WDR49: variants seen among roughly 807,000 people sequenced by gnomAD.
The protein encoded by WDR49 is WD repeat domain 49.
A neutral mutation model predicts 119.5 loss-of-function variants in WDR49; 107 were observed. The ratio of observed to expected loss-of-function variants is 0.90; its 90% confidence interval spans 0.77 to 1.05. The LOEUF (loss-of-function observed/expected upper bound fraction) is 1.05. WDR49 is among the 50% of genes least tolerant of loss of function. The pLI is 0.00. For missense variants in WDR49, 1,240 were observed against 1,220.5 expected, an observed-to-expected ratio of 1.02 and a Z score of -0.24; for synonymous variants, 425 against 418.8, an observed-to-expected ratio of 1.01 and a Z score of -0.18.
intron 2 of WDR49, among the ~76,000 whole-genome samples, chr3:167,638,928 A>C (rs953989887): frequency 6.6e-6 from 1 of 151,634 alleles, no homozygotes; most frequent in Non-Finnish European, 1.5e-5. Flanking sequence ...ATTAGAAGGG[A>C]ATTGAAGCTG....
chr3:167,491,773 C>T (rs1342956368), intron 18 of WDR49, among the ~76,000 whole-genome samples: 1 of 152,034 alleles, frequency 6.6e-6, no homozygotes, highest in African/African-American at 2.4e-5. Context: ...TTGAATAAGG[C>T]ATATCAAAGA....
chr3:167,592,643 C>A lies in WDR49; in HGVS notation c.1275+9484G>T, dbSNP rs181436453. Among the ~76,000 whole-genome samples the A allele has an allele frequency of 4.4e-3, 672 of 152,184 alleles. 6 individuals carry two copies. The highest frequency in any genetic ancestry group is 5.5e-3 in the Non-Finnish European group (376 of 67,998). On this transcript the variant is annotated intron_variant, in intron 7 of 18. Transcript: ENST00000682715. ...AGAGATGGGGTTTCACCATGTTGGG[C>A]AGGACGGTCTCCATCTTTTGCCCTC...
chr3:167,646,617 A>C (rs959626895), intron 2 of WDR49, among the ~76,000 whole-genome samples: 1 of 152,218 alleles, frequency 6.6e-6, no homozygotes, highest in African/African-American at 2.4e-5. Flanking sequence ...TGAGGAACTG[A>C]ACTTTATTTT....
intron 5 of WDR49, among the ~76,000 whole-genome samples, chr3:167,605,010 C>T (rs892493245): frequency 2.1e-5 from 3 of 140,298 alleles, no homozygotes; most frequent in African/African-American, 8.6e-5. Context: ...ACTTAATTTG[C>T]TTTGTGTGTG....
intron 17 of WDR49, among the ~76,000 whole-genome samples, chr3:167,503,803 G>A (rs557123831): frequency 6.4e-4 from 97 of 152,204 alleles, no homozygotes; most frequent in Non-Finnish European, 1.3e-3. Flanking sequence ...TTAATAGAGT[G>A]AAAGCAGAGC....
rs1717160352 is a variant in WDR49, at chr3:167,626,995, A to T, written c.463T>A (p.Tyr155Asn). 1.5e-6 allele frequency: 2 copies of T among 1,332,068 alleles called. No homozygotes were observed. Among genetic ancestry groups the T allele is most frequent in the Non-Finnish European group, 9.6e-7 (1 of 1,043,618 alleles). 82.5% of individuals were successfully genotyped at this position (1,332,068 alleles called of 1,614,324 possible). A position where few individuals can be genotyped will look rare whatever the true frequency, so the allele number is the denominator to read the frequency against. ...KVIFLKNSSH[Y>N]LTISKEGLLA... ...AAACCTTCTTTACTAATTGTCAGAT[A>T]ATGACTTGAATTTTTTAAGAAAATT... Residue 155 changes from tyrosine to asparagine, a missense_variant, in exon 3 of 19, where the codon TAT (tyrosine) becomes AAT (asparagine). Coordinates refer to ENST00000682715, the MANE Select transcript of WDR49 (RefSeq NM_001366157.1).
At chr3:167,482,416 T>C (rs1366101284) in intron 18 of WDR49, among the ~76,000 whole-genome samples, 1 of 151,302 alleles carries the variant, frequency 6.6e-6, no homozygotes, top group East Asian at 1.9e-4. Context: ...ACGCCTGTAA[T>C]CCCAACACTT....
intron 5 of WDR49, among the ~76,000 whole-genome samples, chr3:167,613,708 G>C (rs1187315121): frequency 6.6e-6 from 1 of 152,140 alleles, no homozygotes; most frequent in Non-Finnish European, 1.5e-5. Context: ...AGTTTGGGAG[G>C]CTGAGGCAGA....
chr3:167,513,247 C>T (rs539665916), intron 16 of WDR49, among the ~76,000 whole-genome samples: 291 of 152,218 alleles, frequency 1.9e-3, no homozygotes, highest in East Asian at 6.2e-3. Context: ...AGACTGACAG[C>T]GGACCTCTCA....
intron 2 of WDR49, among the ~76,000 whole-genome samples, chr3:167,643,597 G>C (rs1484456537): frequency 6.6e-6 from 1 of 152,082 alleles, no homozygotes; most frequent in African/African-American, 2.4e-5. Context: ...ATTAGGTAAT[G>C]TATAAAGTTG....
chr3:167,544,235 T>C (rs1406020104), intron 10 of WDR49, among the ~76,000 whole-genome samples: 6 of 151,964 alleles, frequency 3.9e-5, no homozygotes, highest in Admixed American at 3.3e-4. Flanking sequence ...AAAATGATCT[T>C]ACTTTCAAAA....
intron 8 of WDR49, among the ~76,000 whole-genome samples, chr3:167,572,222 A>C (rs1713974567): frequency 6.6e-6 from 1 of 152,220 alleles, no homozygotes; most frequent in Non-Finnish European, 1.5e-5. Flanking sequence ...CTGTGAGGGC[A>C]AACTTTGCCA....
chr3:167,529,515 G>T (rs1235778795), intron 13 of WDR49, among the ~76,000 whole-genome samples: 1 of 152,014 alleles, frequency 6.6e-6, no homozygotes, highest in Non-Finnish European at 1.5e-5. Flanking sequence ...TGTTTTGGGG[G>T]TATTTAAAAG....
At chr3:167,521,377 C>T (rs1752427776) in intron 16 of WDR49, among the ~76,000 whole-genome samples, 3 of 152,158 alleles carry the variant, frequency 2.0e-5, no homozygotes, top group Non-Finnish European at 1.5e-5. Flanking sequence ...CTTTGCACAT[C>T]TGCCAAGCCT....
In WDR49 at chr3:167,627,080, C is replaced by A; in HGVS notation, c.378G>T (p.Val126=). 1 of 1,289,270 alleles carries A rather than the reference C, an allele frequency of 7.8e-7. No individual in the cohort carries two copies. 79.9% of individuals were successfully genotyped at this position (1,289,270 alleles called of 1,614,324 possible). Residue 126 remains valine (V), a synonymous_variant, in exon 3 of 19, where the codon GTG becomes GTT. Transcript: ENST00000682715. ...EQDERAKATV[V]PQWKDLEFLP... is the part of the protein sequence containing the mutation. The stretch of plus-strand genomic sequence containing the variant: ...GGAATTCAAGGTCCTTCCACTGGGG[C>A]ACCACAGTTGCCTTTGCTCGTTCAT...
Position 167,561,879 on chromosome 3 carries a change from T to C in WDR49, c.1510-1651A>G, listed in dbSNP as rs546003804. 2.6e-4 allele frequency among the ~76,000 whole-genome samples: 39 copies of C among 152,274 alleles called. No homozygotes were observed. The South Asian group carries it at 8.1e-3, about 32-fold the overall frequency. ...GCCACATCATAAGGTCTTCCTCTAT[T>C]CCTGCACAGCATTCCAGACAACTAA... On this transcript the variant is annotated intron_variant, in intron 8 of 18. Transcript: ENST00000682715.
chr3:167,542,023 C>CA (rs111409239), intron 10 of WDR49, among the ~76,000 whole-genome samples: 212 of 143,040 alleles, frequency 1.5e-3, no homozygotes, highest in African/African-American at 4.5e-3. Context: ...GACCCCATGT[C>CA]AAAAAAAAAA....
chr3:167,526,639 C>T (rs926607394), intron 15 of WDR49, among the ~76,000 whole-genome samples: 4 of 152,130 alleles, frequency 2.6e-5, no homozygotes, highest in Admixed American at 2.0e-4. Flanking sequence ...CAAGAGATTG[C>T]TACAGCTCCG....
intron 7 of WDR49, among the ~76,000 whole-genome samples, chr3:167,600,665 A>T (rs1208900476): frequency 1.3e-5 from 2 of 152,304 alleles, no homozygotes; most frequent in East Asian, 3.9e-4. Context: ...ACCTGCTGTA[A>T]TGAGAGACAC....
Sources: gnomAD v4.1 joint callset for allele counts (sites outside exome capture counted in the v4.1 genomes callset) on GRCh38, gnomAD v4.1.1 for gene constraint, MANE v1.5 for transcripts, NCBI Gene and HGNC (gene_info 2026-07-23, HGNC 2026-07-21) for gene names.